The following LUZP2 variants were observed in gnomAD, a reference collection of about 807,000 sequenced individuals.
The protein encoded by LUZP2 is leucine zipper protein 2.
LUZP2 carries 52 observed loss-of-function variants against 51.6 expected under a neutral mutation model. The observed-to-expected ratio is 1.01, with a 90% CI of 0.81 to 1.27. The LOEUF (loss-of-function observed/expected upper bound fraction) is 1.27. LUZP2 is among the 50% of genes most tolerant of loss of function. The pLI, the probability that LUZP2 is intolerant of heterozygous loss-of-function variation, is 0.00. For synonymous variants in LUZP2, 154 were observed against 137.3 expected (o/e 1.12, Z -0.85); for missense variants, 436 against 395.4 (o/e 1.10, Z -0.87).
chr11:24,971,956 A>G (rs549262107), intron 7 of LUZP2, among the ~76,000 whole-genome samples: 2 of 152,088 alleles, frequency 1.3e-5, no homozygotes, highest in South Asian at 2.1e-4. Flanking sequence ...CATGGCCACC[A>G]TGGCAAGATC....
At chr11:25,004,336 C>A (rs563063665) in intron 9 of LUZP2, among the ~76,000 whole-genome samples, 1 of 152,288 alleles carries the variant, frequency 6.6e-6, no homozygotes, top group Admixed American at 6.5e-5. Flanking sequence ...GATTGGCCTG[C>A]TCCATTTTCT....
At chr11:24,974,559 T>C (rs1855833632) in intron 7 of LUZP2, among the ~76,000 whole-genome samples, 1 of 152,132 alleles carries the variant, frequency 6.6e-6, no homozygotes, top group Non-Finnish European at 1.5e-5. Context: ...ATAATCTTTC[T>C]ACCAATAAAA....
At chr11:24,752,253 C>A (rs1286406308) in intron 4 of LUZP2, among the ~76,000 whole-genome samples, 1 of 151,978 alleles carries the variant, frequency 6.6e-6, no homozygotes, top group Non-Finnish European at 1.5e-5. Context: ...ACAGGTCACC[C>A]ACAAAAGGGC....
intron 9 of LUZP2, among the ~76,000 whole-genome samples, chr11:24,987,880 A>G (rs916056791): frequency 6.6e-6 from 1 of 151,948 alleles, no homozygotes; most frequent in Non-Finnish European, 1.5e-5. Flanking sequence ...GGCATCTTCA[A>G]ATTATTATGG....
intron 7 of LUZP2, among the ~76,000 whole-genome samples, chr11:24,929,178 C>A (rs1854372397): frequency 6.6e-6 from 1 of 151,856 alleles, no homozygotes; most frequent in Non-Finnish European, 1.5e-5. Context: ...AAAAAATCAG[C>A]TTTTTGCTTA....
At chr11:24,588,469 T>A (rs920749168) in intron 1 of LUZP2, among the ~76,000 whole-genome samples, 4 of 152,076 alleles carry the variant, frequency 2.6e-5, no homozygotes, top group Non-Finnish European at 5.9e-5. Context: ...CAAAGAAATG[T>A]AGACAAAGGC....
chr11:24,619,270 G>C (rs1019009144), intron 1 of LUZP2, among the ~76,000 whole-genome samples: 2 of 152,012 alleles, frequency 1.3e-5, no homozygotes, highest in African/African-American at 4.8e-5. Flanking sequence ...CTGGCTTCAC[G>C]CAATCCTCCT....
intron 5 of LUZP2, among the ~76,000 whole-genome samples, chr11:24,883,671 A>C (rs1409685441): frequency 2.0e-5 from 3 of 152,022 alleles, no homozygotes; most frequent in Admixed American, 2.0e-4. Flanking sequence ...TCTTGTAAGC[A>C]AGCATTTATG....
chr11:25,038,716 A>T (rs1224532527), intron 9 of LUZP2, among the ~76,000 whole-genome samples: 1 of 152,172 alleles, frequency 6.6e-6, no homozygotes, highest in African/African-American at 2.4e-5. Context: ...AGGTAAGGGG[A>T]CACTGGCTTT....
intron 1 of LUZP2, among the ~76,000 whole-genome samples, chr11:24,655,997 C>T (rs2133971977): frequency 6.6e-6 from 1 of 152,242 alleles, no homozygotes; most frequent in South Asian, 2.1e-4. Flanking sequence ...CCTACTGTTA[C>T]AAAATTGCGA....
chr11:24,943,476 G>C (rs995945267), intron 7 of LUZP2, among the ~76,000 whole-genome samples: 8 of 152,088 alleles, frequency 5.3e-5, no homozygotes, highest in Non-Finnish European at 8.8e-5. Context: ...CCCATGCTGG[G>C]ATCTACTGCG....
intron 1 of LUZP2, among the ~76,000 whole-genome samples, chr11:24,607,341 CTTTTTTT>C (rs57741208): frequency 3.2e-5 from 2 of 63,416 alleles, no homozygotes; most frequent in Admixed American, 1.7e-4. Context: ...GATATTATGT[CTTTTTTT>C]TTTTTTTTTT....
intron 5 of LUZP2, among the ~76,000 whole-genome samples, chr11:24,849,523 A>G (rs1485905828): frequency 6.6e-6 from 1 of 152,096 alleles, no homozygotes; most frequent in East Asian, 1.9e-4. Flanking sequence ...TTCATAGTCT[A>G]TCATTCATGG....
chr11:24,855,629 T>A (rs59958365), intron 5 of LUZP2, among the ~76,000 whole-genome samples: 3,389 of 152,278 alleles, frequency 0.022, 133 homozygotes, highest in African/African-American at 0.076. Flanking sequence ...AACATTTATA[T>A]GGAACCAAAA....
intron 7 of LUZP2, among the ~76,000 whole-genome samples, chr11:24,920,282 G>C (rs908536735): frequency 1.3e-5 from 2 of 151,876 alleles, no homozygotes; most frequent in African/African-American, 4.8e-5. Context: ...AAATAAAATA[G>C]TGGCTTAGTT....
chr11:25,029,111 G>A (rs932374255), intron 9 of LUZP2, among the ~76,000 whole-genome samples: 10 of 152,096 alleles, frequency 6.6e-5, no homozygotes, highest in African/African-American at 2.4e-4. Flanking sequence ...GTGGGTAGGA[G>A]GAGATGGTTA....
chr11:24,741,623 C>A (rs532020905), intron 4 of LUZP2, among the ~76,000 whole-genome samples: 12 of 151,290 alleles, frequency 7.9e-5, no homozygotes, highest in African/African-American at 2.9e-4. Context: ...AACTTTGCGT[C>A]CTCATAGCTT....
intron 1 of LUZP2, among the ~76,000 whole-genome samples, chr11:24,650,369 T>G (rs927470634): frequency 2.0e-5 from 3 of 151,728 alleles, no homozygotes; most frequent in Admixed American, 6.6e-5. Context: ...TCTTATAATT[T>G]TGGGTGTCTT....
intron 9 of LUZP2, among the ~76,000 whole-genome samples, chr11:24,987,870 G>T (rs999125776): frequency 1.3e-5 from 2 of 151,802 alleles, no homozygotes; most frequent in Non-Finnish European, 2.9e-5. Context: ...GAGCCTAGGC[G>T]GCATCTTCAA....
Sources: gnomAD v4.1 joint callset for allele counts (sites outside exome capture counted in the v4.1 genomes callset) on GRCh38, gnomAD v4.1.1 for gene constraint, MANE v1.5 for transcripts, NCBI Gene and HGNC (gene_info 2026-07-23, HGNC 2026-07-21) for gene names.